PCDH15: variants seen among roughly 807,000 people sequenced by gnomAD.
PCDH15 encodes the protein protocadherin related 15, also known as protocadherin-15.
PCDH15 carries 129 observed loss-of-function variants against 178.5 expected under a neutral mutation model. That is an observed-to-expected ratio of 0.72 (90% CI 0.63 to 0.84). The LOEUF is 0.84. PCDH15 is among the 40% of genes least tolerant of loss of function. PCDH15 has a pLI of 0.00. For synonymous variants in PCDH15, 800 were observed against 732.0 expected (o/e 1.09, Z -1.50); for missense variants, 2,230 against 2,099.9 (o/e 1.06, Z -1.21).
At chr10:54,653,196 CG>C (rs1454144275) in intron 2 of PCDH15, among the ~76,000 whole-genome samples, 2 of 152,128 alleles carry the variant, frequency 1.3e-5, no homozygotes, top group Non-Finnish European at 2.9e-5. Flanking sequence ...TCATCTAACA[CG>C]GTTACCTTTC....
intron 3 of PCDH15, among the ~76,000 whole-genome samples, chr10:54,527,135 T>C (rs1472863151): frequency 6.6e-6 from 1 of 152,036 alleles, no homozygotes; most frequent in African/African-American, 2.4e-5. Flanking sequence ...TGCTGCCCAG[T>C]TGAGGAGAAA....
chr10:54,278,499 T>C (rs749477772), intron 8 of PCDH15, among the ~76,000 whole-genome samples: 57 of 151,756 alleles, frequency 3.8e-4, no homozygotes, highest in Non-Finnish European at 1.0e-4. Context: ...GGGTAAATTA[T>C]GTCTACTCCC....
intron 17 of PCDH15, among the ~76,000 whole-genome samples, chr10:54,074,842 C>T (rs929797799): frequency 6.6e-5 from 10 of 152,148 alleles, no homozygotes; most frequent in African/African-American, 2.4e-4. Context: ...TTTTCCACAT[C>T]CTCATCAACA....
chr10:54,347,157 G>A lies in PCDH15; in HGVS notation c.475-673C>T, dbSNP rs1943431342. ...ATTGCTAGTCTTAATTCTTACTTAT[G>A]CCCACAAGAGAATCACCGTTATTTT... On this transcript the variant is annotated intron_variant, in intron 5 of 37. Transcript: ENST00000644397. Among the ~76,000 whole-genome samples, 4 of 152,044 alleles carry A rather than the reference G, an allele frequency of 2.6e-5. No individual in the cohort carries two copies. In the South Asian group the frequency reaches 8.3e-4, roughly 32 times the overall value.
rs192886157 is a variant in PCDH15 at position 55,615,828 on chromosome 10, G to T, written c.-156+11797C>A. Among the ~76,000 whole-genome samples the T allele has an allele frequency of 6.3e-4, 96 of 152,322 alleles. 1 individual carries two copies. The highest frequency in any genetic ancestry group is 1.9e-4 in the Non-Finnish European group (13 of 68,026). On this transcript the variant is annotated intron_variant, in intron 2 of 5. Coordinates refer to the PCDH15 transcript ENST00000613346. ...CAGGAATATAATTTCAGTCCAGGAGGTTGAGTCTGTAGTGAGCTATGATCA... is the reference window on the plus strand; with the variant it reads ...CAGGAATATAATTTCAGTCCAGGAGTTTGAGTCTGTAGTGAGCTATGATCA...
chr10:53,910,065 C>A (rs1273438001), intron 25 of PCDH15, among the ~76,000 whole-genome samples: 1 of 152,186 alleles, frequency 6.6e-6, no homozygotes, highest in African/African-American at 2.4e-5. Flanking sequence ...GTAGACTCCA[C>A]CTCTGGGGGC....
chr10:54,740,520 C>T (rs1683444703), intron 1 of PCDH15, among the ~76,000 whole-genome samples: 1 of 151,696 alleles, frequency 6.6e-6, no homozygotes, highest in South Asian at 2.1e-4. Flanking sequence ...AATTCCATTC[C>T]TTGGTGTATG....
intron 2 of PCDH15, among the ~76,000 whole-genome samples, chr10:54,920,855 C>T (rs1236885209): frequency 1.3e-5 from 2 of 152,126 alleles, no homozygotes; most frequent in African/African-American, 4.8e-5. Context: ...AGATTTGAGG[C>T]TTCATCTTGG....
intron 2 of PCDH15, among the ~76,000 whole-genome samples, chr10:55,364,955 T>C (rs1157600275): frequency 6.6e-6 from 1 of 152,292 alleles, no homozygotes; most frequent in Admixed American, 6.5e-5. Flanking sequence ...ATTTTTCAAT[T>C]GGTTCTTTAA....
chr10:55,590,404 T>C (rs956783607), intron 2 of PCDH15, among the ~76,000 whole-genome samples: 2 of 151,820 alleles, frequency 1.3e-5, no homozygotes, highest in African/African-American at 4.8e-5. Context: ...ATGGCACATG[T>C]ATACATATGT....
chr10:54,893,365 A>T (rs1215950085), intron 3 of PCDH15, among the ~76,000 whole-genome samples: 1 of 152,152 alleles, frequency 6.6e-6, no homozygotes, highest in East Asian at 1.9e-4. Context: ...TATACTATTT[A>T]TTAAGCATTT....
intron 1 of PCDH15, among the ~76,000 whole-genome samples, chr10:55,234,843 G>C (rs2680328): frequency 6.6e-6 from 1 of 151,890 alleles, no homozygotes; most frequent in Admixed American, 6.5e-5. Context: ...TTAGTACATC[G>C]TTCATAAATA....
At chr10:55,150,042 A>AAG (rs1198294950) in intron 2 of PCDH15, among the ~76,000 whole-genome samples, 5 of 149,546 alleles carry the variant, frequency 3.3e-5, no homozygotes, top group African/African-American at 1.2e-4. Context: ...TAAAGAAGAG[A>AAG]AGAGAGAGAG....
At chr10:54,683,969 A>T (rs913990335) in intron 1 of PCDH15, among the ~76,000 whole-genome samples, 2 of 152,096 alleles carry the variant, frequency 1.3e-5, no homozygotes, top group Non-Finnish European at 2.9e-5. Flanking sequence ...TCATAAAGAA[A>T]AAAATATAGG....
chr10:54,473,073 C>CT (rs2136726000), intron 3 of PCDH15, among the ~76,000 whole-genome samples: 1 of 152,100 alleles, frequency 6.6e-6, no homozygotes, highest in African/African-American at 2.4e-5. Context: ...AGGTGGCTTT[C>CT]TTTTTAATAC....
chr10:54,286,557 T>C (rs2132861849), intron 8 of PCDH15, among the ~76,000 whole-genome samples: 1 of 152,350 alleles, frequency 6.6e-6, no homozygotes, highest in South Asian at 2.1e-4. Flanking sequence ...CTAACTACTT[T>C]ACAATAGAAA....
intron 2 of PCDH15, among the ~76,000 whole-genome samples, chr10:55,358,471 G>C (rs745687592): frequency 6.6e-6 from 1 of 151,822 alleles, no homozygotes; most frequent in Non-Finnish European, 1.5e-5. Flanking sequence ...GTATCAGATG[G>C]TATTACACTC....
intron 2 of PCDH15, among the ~76,000 whole-genome samples, chr10:54,639,139 G>A (rs1422134870): frequency 6.6e-6 from 1 of 152,040 alleles, no homozygotes; most frequent in Non-Finnish European, 1.5e-5. Flanking sequence ...TAATAGCTGT[G>A]CTTGATGTTT....
intron 14 of PCDH15, among the ~76,000 whole-genome samples, chr10:54,135,543 C>T (rs549928922): frequency 1.1e-3 from 163 of 152,314 alleles, no homozygotes; most frequent in African/African-American, 3.8e-3. Flanking sequence ...TAACATCCTT[C>T]CAGGTGGTGA....
Sources: allele counts gnomAD v4.1 joint callset (sites outside exome capture counted in the v4.1 genomes callset), GRCh38; gene constraint gnomAD v4.1.1; transcripts MANE v1.5; gene names NCBI Gene and HGNC (gene_info 2026-07-23, HGNC 2026-07-21).